Variants in ADGRG5 observed in about 807,000 individuals in gnomAD.
The protein encoded by ADGRG5 is G protein-coupled receptor 114.
A neutral mutation model predicts 53.2 loss-of-function variants in ADGRG5; 37 were observed. That is an observed-to-expected ratio of 0.70 (90% CI 0.53 to 0.91). The LOEUF is 0.91. Among genes scored for constraint, ADGRG5 ranks in the 40% least tolerant of loss-of-function variants. The probability of loss-of-function intolerance (pLI) is 0.00; values close to 1 mark genes in which losing one functional copy is unlikely to be tolerated. For synonymous variants in ADGRG5, 277 were observed against 290.4 expected (o/e 0.95, Z 0.47); for missense variants, 614 against 675.8 (o/e 0.91, Z 1.01).
rs533969847 is a variant in ADGRG5 at position 57,571,312 on chromosome 16, G to A, written c.1208+777G>A. The stretch of plus-strand genomic sequence containing the variant: ...GTCCTGTTGCCAGCCCTATTTTACA[G>A]TTAGGGCACCTGAGAAACAGGCAGC... On this transcript the variant is annotated intron_variant, in intron 10 of 11. Coordinates refer to ENST00000349457, the MANE Select transcript of ADGRG5 (RefSeq NM_001304376.3). Among the ~76,000 whole-genome samples the A allele has an allele frequency of 1.6e-4, 25 of 152,246 alleles. No individual in the cohort carries two copies. The East Asian group carries it at 4.7e-3, about 28-fold the overall frequency.
At chr16:57,573,207 G>A (rs751483548) in intron 10 of ADGRG5, among the ~76,000 whole-genome samples, 11 of 152,090 alleles carry the variant, frequency 7.2e-5, no homozygotes, top group Admixed American at 1.3e-4. Context: ...CGAGGCAGGT[G>A]GATCAACTGA....
chr16:57,533,562 A>C, the ADGRG5 span, among the ~76,000 whole-genome samples: 6 of 150,586 alleles, frequency 4.0e-5, no homozygotes, highest in African/African-American at 1.5e-4. Context: ...AGGGACCTGC[A>C]CTCACACACA....
chr16:57,573,629 A>T (rs1345240563), intron 10 of ADGRG5, among the ~76,000 whole-genome samples: 1 of 152,204 alleles, frequency 6.6e-6, no homozygotes, highest in Non-Finnish European at 1.5e-5. Context: ...TCTGTAAATG[A>T]GGAGGATGAA....
At chr16:57,538,005 A>G (rs1309601726), upstream of ADGRG5, among the ~76,000 whole-genome samples, 1 of 152,174 alleles carries the variant, frequency 6.6e-6, no homozygotes, top group African/African-American at 2.4e-5. Context: ...TCAAGAGCCC[A>G]GAGGTCTTGC....
Position 57,570,543 on chromosome 16 carries a change from C to A in ADGRG5, c.1208+8C>A, listed in dbSNP as rs758656489. 5 of 1,596,384 alleles carry A rather than the reference C, an allele frequency of 3.1e-6. No homozygotes were observed. The South Asian group carries it at 4.4e-5, about 14-fold the overall frequency. On this transcript the variant is annotated splice_region_variant and intron_variant, in intron 10 of 11. Coordinates refer to ENST00000349457, the MANE Select transcript of ADGRG5 (RefSeq NM_001304376.3). The stretch of plus-strand genomic sequence containing the variant: ...CTTCCAGAACATGTCCATGTGAGTG[C>A]CCTCAGGGCTGCAGTGGGCTCCCTG...
chr16:57,529,834 T>A, the ADGRG5 span, among the ~76,000 whole-genome samples: 1 of 152,228 alleles, frequency 6.6e-6, no homozygotes, highest in African/African-American at 2.4e-5. This position sits in a 1 kb window ranked among gnomAD's most constrained non-coding sequence, Gnocchi z 4.1. Context: ...GTGTCTGCTG[T>A]GTACCTTTAA....
intron 1 of ADGRG5, among the ~76,000 whole-genome samples, chr16:57,544,074 A>G (rs1266902276): frequency 6.6e-6 from 1 of 152,108 alleles, no homozygotes; most frequent in East Asian, 1.9e-4. Context: ...ATTGGCCTAA[A>G]TAGAGTCTTA....
chr16:57,529,343 GT>G, the ADGRG5 span: 3 of 958,742 alleles, frequency 3.1e-6, no homozygotes, highest in Non-Finnish European at 3.9e-6. This position sits in a 1 kb window ranked among gnomAD's most constrained non-coding sequence, Gnocchi z 4.1. Context: ...GAACACAACC[GT>G]TATTGGACTG....
At position 57,566,459 on chromosome 16, in the gene ADGRG5, G is replaced by T. The variant is rs574022824; in HGVS notation, c.547-140G>T. On this transcript the variant is annotated intron_variant, in intron 6 of 11. Transcript: ENST00000349457. ...GGAGGTGGGACAGGAATCTGAGACT[G>T]TCTGAAGCCAAAGGCCAGCCAGTGC... 7.2e-5 allele frequency: 50 copies of T among 699,018 alleles called. No homozygotes were observed. In the South Asian group the frequency reaches 1.6e-3, roughly 22 times the overall value. The allele number at this position is 699,018 out of a possible 1,614,324, so 43.3% of individuals were successfully genotyped here. A position where few individuals can be genotyped will look rare whatever the true frequency, so the allele number is the denominator to read the frequency against.
chr16:57,553,925 T>C (rs1459438560), intron 1 of ADGRG5, among the ~76,000 whole-genome samples: 3 of 152,184 alleles, frequency 2.0e-5, no homozygotes, highest in Non-Finnish European at 4.4e-5. Context: ...TTTCTAAGAG[T>C]TTCTGTAGAA....
At chr16:57,531,202 G>T in the ADGRG5 span, among the ~76,000 whole-genome samples, 2 of 151,816 alleles carry the variant, frequency 1.3e-5, no homozygotes, top group African/African-American at 4.8e-5. Flanking sequence ...GGCTCATCTT[G>T]GTTAAAATAG....
intron 1 of ADGRG5, among the ~76,000 whole-genome samples, chr16:57,555,405 C>T (rs538204284): frequency 1.3e-5 from 2 of 152,294 alleles, no homozygotes; most frequent in South Asian, 2.1e-4. Flanking sequence ...GCTAGCCATT[C>T]TCTCTCCTGC....
In ADGRG5 at chr16:57,543,511, G is replaced by A. The variant is rs540122726; in HGVS notation, c.-39+810G>A. On this transcript the variant is annotated intron_variant, in intron 1 of 11. Transcript: ENST00000349457. ...TTGGTCAGGCTGGTCTCGGACTCCT[G>A]ATCTCAGGTGATCCACCTGCCTTGG... Among the ~76,000 whole-genome samples, 41 of 152,178 alleles carry A rather than the reference G, an allele frequency of 2.7e-4. No individual in the cohort carries two copies. In the South Asian group the frequency reaches 7.9e-3, roughly 29 times the overall value.
intron 1 of ADGRG5, among the ~76,000 whole-genome samples, chr16:57,545,808 A>T (rs376007031): frequency 2.8e-4 from 36 of 128,394 alleles, no homozygotes; most frequent in African/African-American, 1.1e-3. Context: ...TATTTCTCAC[A>T]TGTGCAAGTT....
the ADGRG5 span, among the ~76,000 whole-genome samples, chr16:57,533,111 A>C: frequency 6.6e-6 from 1 of 152,178 alleles, no homozygotes; most frequent in African/African-American, 2.4e-5. Flanking sequence ...CCCATGCTAA[A>C]GGCAGAGATG....
Position 57,562,423 on chromosome 16 carries a change from A to C in ADGRG5, c.104A>C (p.Gln35Pro). Residue 35 changes from glutamine (Q) to proline (P), a missense_variant, in exon 3 of 12, where the codon CAG (glutamine) becomes CCG (proline). By Grantham distance (76) the Gln-to-Pro change is moderately conservative. Transcript: ENST00000349457. ...CTCCTGAGCTACATGGAGAATATGC[A>C]GGTGTCCAGGGGCCGGAGCTCAGTT... The part of the protein sequence containing the change: ...EELLSYMENM[Q>P]VSRGRSSVFS... The C allele has an allele frequency of 6.2e-7, 1 of 1,607,322 alleles. No homozygotes were observed. Among genetic ancestry groups the C allele is most frequent in the South Asian group, 1.1e-5 (1 of 89,498 alleles).
At chr16:57,540,863 T>C (rs2032478892), upstream of ADGRG5, among the ~76,000 whole-genome samples, 2 of 152,172 alleles carry the variant, frequency 1.3e-5, no homozygotes, top group Non-Finnish European at 2.9e-5. Context: ...CGATCTCGGC[T>C]CACTGCAACC....
chr16:57,570,037 A>T (rs1172863722), intron 9 of ADGRG5, among the ~76,000 whole-genome samples: 35 of 130,474 alleles, frequency 2.7e-4, no homozygotes, highest in Non-Finnish European at 8.1e-5. Context: ...CATCTCCACC[A>T]TCATCACTTC....
chr16:57,531,111 C>T, the ADGRG5 span, among the ~76,000 whole-genome samples: 2 of 152,024 alleles, frequency 1.3e-5, no homozygotes, highest in African/African-American at 4.8e-5. Context: ...CTCGCTATGT[C>T]CCCAACTCCA....
Sources: gnomAD v4.1 joint callset for allele counts (sites outside exome capture counted in the v4.1 genomes callset) on GRCh38, gnomAD v4.1.1 for gene constraint, Gnocchi (gnomAD v3.1) non-coding constraint, MANE v1.5 for transcripts, NCBI Gene and HGNC (gene_info 2026-07-23, HGNC 2026-07-21) for gene names.